The following DPYSL4 variants were observed in gnomAD, a reference collection of about 807,000 sequenced individuals.
DPYSL4 encodes dihydropyrimidinase-related protein 4.
DPYSL4 carries 43 observed loss-of-function variants against 63.4 expected under a neutral mutation model. That is an observed-to-expected ratio of 0.68 (90% CI 0.53 to 0.88). DPYSL4 has a LOEUF of 0.88. Ranked by LOEUF, DPYSL4 falls within the 40% of genes least tolerant of loss-of-function variation. DPYSL4 has a pLI of 0.00. For missense variants in DPYSL4, 733 were observed against 819.5 expected (o/e 0.89, Z 1.29); for synonymous variants, 353 against 331.7 (o/e 1.06, Z -0.70).
intron 13 of DPYSL4, among the ~76,000 whole-genome samples, chr10:132,204,281 C>G (rs533069489): frequency 6.6e-6 from 1 of 152,200 alleles, no homozygotes; most frequent in Non-Finnish European, 1.5e-5. Context: ...CAGGTCCCCA[C>G]CCAGCAGGCC....
chr10:132,204,466 C>T (rs901909653), intron 13 of DPYSL4, among the ~76,000 whole-genome samples: 1 of 152,264 alleles, frequency 6.6e-6, no homozygotes, highest in Admixed American at 6.5e-5. Flanking sequence ...CTCCTGGGGA[C>T]TCAGGCCTGG....
chr10:132,186,994 T>TCCGCCC lies in DPYSL4; in HGVS notation c.-68_-67insGCCCCC. 2.8e-5 allele frequency: 6 copies of TCCGCCC among 217,372 alleles called. No homozygotes were observed. Among genetic ancestry groups the TCCGCCC allele is most frequent in the South Asian group, 2.2e-4 (3 of 13,406 alleles). The allele number at this position is 217,372 out of a possible 1,614,324, so 13.5% of individuals were successfully genotyped here. A position where few individuals can be genotyped will look rare whatever the true frequency, so the allele number is the denominator to read the frequency against. On this transcript the variant is annotated 5_prime_UTR_variant, in exon 1 of 14. Transcript: ENST00000338492. The stretch of plus-strand genomic sequence containing the variant: ...CCACGCACGCGTCCCGGCTCACGCG[T>TCCGCCC]CCCCCCGCCCGCCCGCCCGCCCGCC...
chr10:132,196,930 C>A lies in DPYSL4; in HGVS notation c.540+8C>A. ...CAGTGCAGCGACAGCCAGGTAAGGGCAGGCGTGGGGAACGGAGTGGGCAGG... is the reference window on the plus strand; with the variant it reads ...CAGTGCAGCGACAGCCAGGTAAGGGAAGGCGTGGGGAACGGAGTGGGCAGG... On this transcript the variant is annotated splice_region_variant and intron_variant, in intron 5 of 13. Transcript: ENST00000338492. 3 of 1,605,914 alleles carry A rather than the reference C, an allele frequency of 1.9e-6. No individual in the cohort carries two copies. The highest frequency in any genetic ancestry group is 2.6e-6 in the Non-Finnish European group (3 of 1,175,054).
Position 132,198,954 on chromosome 10 carries a change from C to G in DPYSL4, c.794C>G (p.Ala265Gly), listed in dbSNP as rs2061978244. ...AGCAAGGGGGCGGCCGACGCCATCG[C>G]TCAGGCCAAGCGCAGAGGTGAGCAC... ...VMSKGAADAI[A>G]QAKRRGVVVF... The change falls in exon 8 of 14, where the codon GCT (alanine) becomes GGT (glycine). Residue 265 changes from alanine (A) to glycine (G), a missense_variant. Transcript: ENST00000338492. The G allele has an allele frequency of 3.1e-6, 5 of 1,611,946 alleles. No individual in the cohort carries two copies. Among genetic ancestry groups the G allele is most frequent in the Non-Finnish European group, 4.2e-6 (5 of 1,179,536 alleles).
intron 12 of DPYSL4, 70 bp from the exon 13 acceptor site, chr10:132,203,692 C>A: frequency 7.3e-7 from 1 of 1,365,836 alleles, no homozygotes; most frequent in Non-Finnish European, 9.8e-7. Flanking sequence ...CCCTCATGCC[C>A]CATCTCTGGC....
chr10:132,200,272 CG>C, intron 8 of DPYSL4, 83 bp from the exon 9 acceptor site: 2 of 1,525,572 alleles, frequency 1.3e-6, no homozygotes, highest in Non-Finnish European at 1.8e-6. Flanking sequence ...GAGGGGCAGT[CG>C]TGGGTGTCAG....
chr10:132,197,029 G>C lies in DPYSL4; in HGVS notation c.549G>C (p.Glu183Asp). Residue 183 changes from glutamate (E) to aspartate (D), a missense_variant, in exon 6 of 14, where the codon GAG becomes GAC. Physicochemically the swap from Glu to Asp is conservative, Grantham distance 45 (BLOSUM62 2). Coordinates refer to ENST00000338492, the MANE Select transcript of DPYSL4 (RefSeq NM_006426.3). The part of the protein sequence containing the change: ...RCQCSDSQMY[E>D]IFSIIRDLGA... Reference sequence around the variant, plus strand: ...ACCACTTCTCTTCCCAGATGTACGAGATCTTCAGCATCATCCGGGACCTGG... The same window carrying C: ...ACCACTTCTCTTCCCAGATGTACGACATCTTCAGCATCATCCGGGACCTGG... The C allele has an allele frequency of 6.2e-7, 1 of 1,606,806 alleles. No individual in the cohort carries two copies. Among genetic ancestry groups the C allele is most frequent in the Non-Finnish European group, 8.5e-7 (1 of 1,176,076 alleles).
chr10:132,202,326 C>T (rs1026375661), intron 11 of DPYSL4, among the ~76,000 whole-genome samples: 1 of 152,240 alleles, frequency 6.6e-6, no homozygotes, highest in East Asian at 1.9e-4. Flanking sequence ...ATCTGTGGTC[C>T]CCTTGTGCCA....
At chr10:132,189,676 C>T (rs2061848814) in intron 1 of DPYSL4, among the ~76,000 whole-genome samples, 1 of 152,126 alleles carries the variant, frequency 6.6e-6, no homozygotes, top group African/African-American at 2.4e-5. Context: ...CTCTGGAATC[C>T]ACTCTCCTCC....
intron 12 of DPYSL4, 71 bp downstream of exon 12, chr10:132,202,896 C>T (rs999493406): frequency 1.3e-6 from 2 of 1,499,972 alleles, no homozygotes; most frequent in Non-Finnish European, 1.8e-6. Context: ...CAGAACGCAC[C>T]CCTGGTCAAC....
At position 132,190,845 on chromosome 10, in the gene DPYSL4, C is replaced by T. The variant is rs376647581; in HGVS notation, c.128+10C>T. ...AAGATGGCTTGATAAAGTAAGTTTC[C>T]GCCGAAAATGAAAATACGTTCCCAG... On this transcript the variant is annotated intron_variant, in intron 2 of 13. Transcript: ENST00000338492. The T allele has an allele frequency of 2.6e-5, 42 of 1,611,880 alleles. No homozygotes were observed. Among genetic ancestry groups the T allele is most frequent in the African/African-American group, 6.7e-5 (5 of 75,038 alleles).
At chr10:132,201,253 G>T (rs1305657413) in intron 10 of DPYSL4, among the ~76,000 whole-genome samples, 1 of 152,112 alleles carries the variant, frequency 6.6e-6, no homozygotes, top group East Asian at 1.9e-4. Flanking sequence ...GTTTGCCCAG[G>T]GGTCAGCATG....
At position 132,198,513 on chromosome 10, in the gene DPYSL4, G is replaced by A. The variant is rs200385595; in HGVS notation, c.690+30G>A. 2.6e-5 allele frequency: 41 copies of A among 1,575,052 alleles called. 1 individual carries two copies. The highest frequency in any genetic ancestry group is 2.5e-4 in the Admixed American group (14 of 55,518). Reference sequence around the variant, plus strand: ...GATCCCAGGGCACCACAGCACACCCGAGCCAACTCCGCCCAGACCACTGCT... The same window carrying A: ...GATCCCAGGGCACCACAGCACACCCAAGCCAACTCCGCCCAGACCACTGCT... On this transcript the variant is annotated intron_variant, in intron 7 of 13. Transcript: ENST00000338492.
In DPYSL4 at chr10:132,203,757, G is replaced by A. The variant is rs377169775; in HGVS notation, c.1462-5G>A. The A allele has an allele frequency of 3.0e-5, 47 of 1,589,278 alleles. No individual in the cohort carries two copies. Among genetic ancestry groups the A allele is most frequent in the South Asian group, 8.9e-5 (8 of 90,182 alleles). On this transcript the variant is annotated splice_region_variant and splice_polypyrimidine_tract_variant and intron_variant, in intron 12 of 13. Transcript: ENST00000338492. ...GCCCTGTCTCTGCCCCCACCCCCCC[G>A]GCAGCTGGCGGAGATCCACGGTGTG... is the stretch of plus-strand genomic sequence containing the variant.
chr10:132,192,701 A>G lies in DPYSL4; in HGVS notation c.172A>G (p.Ile58Val). Residue 58 changes from isoleucine to valine, a missense_variant, in exon 3 of 14, where the codon ATT (isoleucine) becomes GTT (valine). Coordinates refer to ENST00000338492, the MANE Select transcript of DPYSL4 (RefSeq NM_006426.3). ...CATCGTCCCTGGGGGCATCAAGACC[A>G]TTGACGCCCACGGCCTGATGGTCCT... Reference protein sequence around the residue: ...NLIVPGGIKTIDAHGLMVLPG... With the variant: ...NLIVPGGIKTVDAHGLMVLPG... 6.2e-7 allele frequency: 1 copy of G among 1,613,180 alleles called. No homozygotes were observed. The highest frequency in any genetic ancestry group is 8.5e-7 in the Non-Finnish European group (1 of 1,179,834).
chr10:132,200,820 T>G, intron 9 of DPYSL4, 22 bp from the exon 10 acceptor site: 1 of 1,609,362 alleles, frequency 6.2e-7, no homozygotes, highest in Non-Finnish European at 8.5e-7. Flanking sequence ...GCCAGGACCC[T>G]CTGACCCTGG....
chr10:132,199,974 G>A (rs1268441744), intron 8 of DPYSL4, among the ~76,000 whole-genome samples: 1 of 152,116 alleles, frequency 6.6e-6, no homozygotes, highest in Admixed American at 6.5e-5. Flanking sequence ...CCTCAGCTGT[G>A]AGCTGGAACC....
chr10:132,203,914 G>T lies in DPYSL4; in HGVS notation c.1614G>T (p.Gly538=). The change falls in exon 13 of 14, where the codon GGG becomes GGT. Residue 538 remains glycine (G), a synonymous_variant. Coordinates refer to ENST00000338492, the MANE Select transcript of DPYSL4 (RefSeq NM_006426.3). ...VPPVRNLHQS[G]FSLSGSQADD... ...CTGTGCGCAACCTACATCAGTCGGG[G>T]TTCAGCCTATCTGGTGAGTTGGGCC... 6.2e-7 allele frequency: 1 copy of T among 1,602,982 alleles called. No individual in the cohort carries two copies. The highest frequency in any genetic ancestry group is 8.5e-7 in the Non-Finnish European group (1 of 1,171,714).
Position 132,205,038 on chromosome 10 carries a change from G to C in DPYSL4, c.*108G>C. Reference sequence around the variant, plus strand: ...TTTTCTTTTGTAGAAGTTTCTCGAAGGTGCTTGGCGGTCTTGCCTTCCCCC... The same window carrying C: ...TTTTCTTTTGTAGAAGTTTCTCGAACGTGCTTGGCGGTCTTGCCTTCCCCC... On this transcript the variant is annotated 3_prime_UTR_variant, in exon 14 of 14. Transcript: ENST00000338492. The C allele has an allele frequency of 1.1e-6, 1 of 881,752 alleles. No homozygotes were observed. The highest frequency in any genetic ancestry group is 3.1e-4 in the Middle Eastern group (1 of 3,250). The allele number at this position is 881,752 out of a possible 1,614,324, so 54.6% of individuals were successfully genotyped here.
Sources: gnomAD v4.1 joint callset for allele counts (sites outside exome capture counted in the v4.1 genomes callset) on GRCh38, gnomAD v4.1.1 for gene constraint, MANE v1.5 for transcripts, NCBI Gene and HGNC (gene_info 2026-07-23, HGNC 2026-07-21) for gene names.